The following PCMTD2 variants were observed in gnomAD, a reference collection of about 807,000 sequenced individuals.
PCMTD2 encodes protein-L-isoaspartate (D-aspartate) O-methyltransferase domain containing 2.
PCMTD2 carries 16 observed loss-of-function variants against 33.4 expected under a neutral mutation model. The ratio of observed to expected loss-of-function variants is 0.48; its 90% confidence interval spans 0.32 to 0.73. PCMTD2 has a LOEUF of 0.73. Ranked by LOEUF, PCMTD2 falls within the 30% of genes least tolerant of loss-of-function variation. The pLI, the probability that PCMTD2 is intolerant of heterozygous loss-of-function variation, is 0.03. For synonymous variants in PCMTD2, 161 were observed against 160.8 expected (o/e 1.00, Z -0.01); for missense variants, 374 against 449.9 (o/e 0.83, Z 1.53).
chr20:64,260,141 G>A lies in PCMTD2; in HGVS notation c.176G>A (p.Gly59Glu). Reference protein sequence around the residue: ...NAYKDLAWKHGNIHLSAPCIY... With the variant: ...NAYKDLAWKHENIHLSAPCIY... ...TATAAAGACTTGGCATGGAAGCATG[G>A]AAACATTCACCTCTCAGCCCCGTGC... The change falls in exon 2 of 6, where the codon GGA (glycine) becomes GAA (glutamate). Residue 59 changes from glycine (G) to glutamate (E), a missense_variant. By Grantham distance (98) the Gly-to-Glu change is moderately conservative (BLOSUM62 -2). Coordinates refer to ENST00000308824, the MANE Select transcript of PCMTD2 (RefSeq NM_018257.3). 6.2e-7 allele frequency: 1 copy of A among 1,613,732 alleles called. No homozygotes were observed. Among genetic ancestry groups the A allele is most frequent in the Non-Finnish European group, 8.5e-7 (1 of 1,179,632 alleles).
At chr20:64,266,928 T>C (rs927865144) in intron 4 of PCMTD2, among the ~76,000 whole-genome samples, 2 of 152,242 alleles carry the variant, frequency 1.3e-5, no homozygotes, top group African/African-American at 4.8e-5. Flanking sequence ...GAAATTCTTT[T>C]AAAAATGTTT....
In PCMTD2 at chr20:64,265,367, G is replaced by A; in HGVS notation, c.520G>A (p.Glu174Lys). The A allele has an allele frequency of 6.2e-7, 1 of 1,613,810 alleles. No individual in the cohort carries two copies. The highest frequency in any genetic ancestry group is 1.1e-5 in the South Asian group (1 of 91,064). The change falls in exon 4 of 6, where the codon GAA (glutamate) becomes AAA (lysine). Residue 174 changes from glutamate (E) to lysine (K), a missense_variant. Physicochemically the swap from Glu to Lys is moderately conservative, Grantham distance 56. Transcript: ENST00000308824. ...YCGAGVQKEH[E>K]EYMKNLLKVG... ...TGGGGCTGGCGTGCAGAAAGAGCAT[G>A]AAGAGTACATGAAGAATCTTCTCAA...
intron 4 of PCMTD2, 62 bp downstream of exon 4, chr20:64,265,491 T>C (rs772560825): frequency 7.9e-7 from 1 of 1,258,000 alleles, no homozygotes; most frequent in Non-Finnish European, 1.1e-6. Context: ...TTCTGGGCAG[T>C]GTACGGATAC....
chr20:64,263,065 C>G (rs1273695400), intron 2 of PCMTD2: 1 of 152,168 alleles, frequency 6.6e-6, no homozygotes, highest in African/African-American at 2.4e-5. Flanking sequence ...TATCTCATAT[C>G]TGTTACTAGA....
chr20:64,265,189 C>A, intron 3 of PCMTD2, 69 bp from the exon 4 acceptor site: 1 of 1,151,566 alleles, frequency 8.7e-7, no homozygotes, highest in Non-Finnish European at 1.2e-6. Context: ...CTGTGGTTAG[C>A]ATAGATTTAC....
intron 1 of PCMTD2, 166 bp downstream of exon 1, chr20:64,256,036 C>G (rs1022183865): frequency 5.2e-5 from 8 of 152,436 alleles, no homozygotes; most frequent in African/African-American, 1.9e-4. Flanking sequence ...TCACCTCCCC[C>G]CAGCGGCCTC....
chr20:64,272,364 C>T, intron 5 of PCMTD2: 2 of 297,452 alleles, frequency 6.7e-6, no homozygotes, highest in Non-Finnish European at 1.4e-5. Context: ...AGAAATGTTG[C>T]CTGCATGAAA....
At position 64,274,041 on chromosome 20, in the gene PCMTD2, C is replaced by T. The variant is rs1447794538; in HGVS notation, c.*441C>T. ...GCACAAGCTTATAAATGTATAAAATCTTTTCTGGGTGTGACGCACCTGCGT... is the reference window on the plus strand; with the variant it reads ...GCACAAGCTTATAAATGTATAAAATTTTTTCTGGGTGTGACGCACCTGCGT... On this transcript the variant is annotated 3_prime_UTR_variant, in exon 6 of 6. Coordinates refer to ENST00000308824, the MANE Select transcript of PCMTD2 (RefSeq NM_018257.3). 1 of 154,910 alleles carries T rather than the reference C, an allele frequency of 6.5e-6. No individual in the cohort carries two copies. Among genetic ancestry groups the T allele is most frequent in the African/African-American group, 2.4e-5 (1 of 41,554 alleles). The allele number at this position is 154,910 out of a possible 1,614,324, so 9.6% of individuals were successfully genotyped here.
At chr20:64,261,313 C>T (rs1399790582) in intron 2 of PCMTD2, among the ~76,000 whole-genome samples, 1 of 152,108 alleles carries the variant, frequency 6.6e-6, no homozygotes, top group Non-Finnish European at 1.5e-5. Context: ...GCTGAGAAGA[C>T]GCTGGATGAA....
Position 64,270,615 on chromosome 20 carries a change from T to C in PCMTD2, c.706+2605T>C, listed in dbSNP as rs553345711. Among the ~76,000 whole-genome samples the C allele has an allele frequency of 3.1e-4, 47 of 152,144 alleles. 1 individual carries two copies. The highest frequency in any genetic ancestry group is 5.7e-4 in the Non-Finnish European group (39 of 68,020). On this transcript the variant is annotated intron_variant, in intron 5 of 5. Coordinates refer to ENST00000308824, the MANE Select transcript of PCMTD2 (RefSeq NM_018257.3). ...TGGACGGGTTAGCTTTCAGATTGAA[T>C]GGAAGCAGGAACAAGTGGAAAGCTG...
At chr20:64,256,988 T>A (rs1203636465) in intron 1 of PCMTD2, 1 of 152,192 alleles carries the variant, frequency 6.6e-6, no homozygotes, top group Non-Finnish European at 1.5e-5. Context: ...CCATCCGAAG[T>A]CGGAGACCAT....
chr20:64,270,047 A>G (rs1352510586), intron 5 of PCMTD2, among the ~76,000 whole-genome samples: 1 of 119,598 alleles, frequency 8.4e-6, no homozygotes, highest in African/African-American at 3.3e-5. Context: ...GTGTGAGTGC[A>G]TGGCGTGGGG....
At chr20:64,270,469 C>T (rs565343699) in intron 5 of PCMTD2, among the ~76,000 whole-genome samples, 1 of 142,038 alleles carries the variant, frequency 7.0e-6, no homozygotes, top group East Asian at 2.2e-4. Context: ...AGTGTGAGGT[C>T]GTGTGAATGC....
Position 64,265,422 on chromosome 20 carries a change from A to C in PCMTD2, c.575A>C (p.Glu192Ala). Residue 192 changes from glutamate to alanine, a missense_variant, in exon 4 of 6, where the codon GAA (glutamate) becomes GCA (alanine). Physicochemically the swap from Glu to Ala is moderately radical, Grantham distance 107. Transcript: ENST00000308824. Reference sequence around the variant, plus strand: ...GGAGGGATCCTTGTCATGCCACTGGAAGAGAAGGTCAGATTCCCTTCATAA... The same window carrying C: ...GGAGGGATCCTTGTCATGCCACTGGCAGAGAAGGTCAGATTCCCTTCATAA... Reference protein sequence around the residue: ...KVGGILVMPLEEKLTKITRTG... With the variant: ...KVGGILVMPLAEKLTKITRTG... 1 of 1,609,936 alleles carries C rather than the reference A, an allele frequency of 6.2e-7. No homozygotes were observed. The highest frequency in any genetic ancestry group is 8.5e-7 in the Non-Finnish European group (1 of 1,177,732).
At chr20:64,260,891 G>A (rs1183002077) in intron 2 of PCMTD2, among the ~76,000 whole-genome samples, 4 of 151,730 alleles carry the variant, frequency 2.6e-5, no homozygotes, top group Non-Finnish European at 4.4e-5. Context: ...ACGGGGTCTC[G>A]CCATGTTTCC....
At position 64,275,156 on chromosome 20, in the gene PCMTD2, A is replaced by G. The variant is rs1450324444; in HGVS notation, c.*1556A>G. 6.6e-6 allele frequency: 1 copy of G among 152,106 alleles called. No individual in the cohort carries two copies. The highest frequency in any genetic ancestry group is 2.4e-5 in the African/African-American group (1 of 41,450). 9.4% of individuals were successfully genotyped at this position (152,106 alleles called of 1,614,324 possible). A position where few individuals can be genotyped will look rare whatever the true frequency, so the allele number is the denominator to read the frequency against. On this transcript the variant is annotated 3_prime_UTR_variant, in exon 6 of 6. Transcript: ENST00000308824. ...AGCTAGGAAACATGTATTGCTCTAG[A>G]TTGGGCAGTTTAAGTCATTTTAAAG... is the stretch of plus-strand genomic sequence containing the variant.
chr20:64,268,223 A>C (rs965598902), intron 5 of PCMTD2, among the ~76,000 whole-genome samples: 56 of 120,402 alleles, frequency 4.7e-4, no homozygotes, highest in African/African-American at 1.6e-3. Context: ...TTTTAAATCT[A>C]CAAAGAGCTG....
chr20:64,258,642 A>AC (rs1297446843), intron 1 of PCMTD2: 1 of 152,184 alleles, frequency 6.6e-6, no homozygotes, highest in Non-Finnish European at 1.5e-5. Flanking sequence ...GCCCCTTGTC[A>AC]CCCCACAGTA....
chr20:64,274,851 A>G lies in PCMTD2; in HGVS notation c.*1251A>G, dbSNP rs1323866283. Reference sequence around the variant, plus strand: ...CACATAGCAGAATGATCAGAGTTACATTGCTTATTCCAAAACATTGGTTCT... The same window carrying G: ...CACATAGCAGAATGATCAGAGTTACGTTGCTTATTCCAAAACATTGGTTCT... On this transcript the variant is annotated 3_prime_UTR_variant, in exon 6 of 6. Transcript: ENST00000308824. The G allele has an allele frequency of 6.6e-6, 1 of 152,238 alleles. No individual in the cohort carries two copies. The highest frequency in any genetic ancestry group is 2.4e-5 in the African/African-American group (1 of 41,462). 9.4% of individuals were successfully genotyped at this position (152,238 alleles called of 1,614,324 possible). A position where few individuals can be genotyped will look rare whatever the true frequency, so the allele number is the denominator to read the frequency against.
Sources: gnomAD v4.1 joint callset for allele counts (sites outside exome capture counted in the v4.1 genomes callset) on GRCh38, gnomAD v4.1.1 for gene constraint, MANE v1.5 for transcripts, NCBI Gene and HGNC (gene_info 2026-07-23, HGNC 2026-07-21) for gene names.